Variants in SLC4A10 observed in about 807,000 individuals in gnomAD.
SLC4A10 encodes sodium-driven chloride bicarbonate exchanger.
In SLC4A10, 42 loss-of-function variants were observed where a neutral mutation model predicts 137.7. The ratio of observed to expected loss-of-function variants is 0.30; its 90% CI spans 0.24 to 0.39. The LOEUF (loss-of-function observed/expected upper bound fraction) is 0.39. Ranked by LOEUF, SLC4A10 falls within the 10% of genes least tolerant of loss-of-function variation. The pLI, the probability that SLC4A10 is intolerant of heterozygous loss-of-function variation, is 1.00. For missense variants in SLC4A10, 925 were observed against 1,355.0 expected (o/e 0.68, Z 4.98); for synonymous variants, 474 against 464.1 (o/e 1.02, Z -0.27).
intron 1 of SLC4A10, among the ~76,000 whole-genome samples, chr2:161,757,981 A>G (rs998818129): frequency 6.6e-6 from 1 of 151,996 alleles, no homozygotes; most frequent in African/African-American, 2.4e-5. Flanking sequence ...AATCCTACGT[A>G]TATTTTTACT....
intron 4 of SLC4A10, among the ~76,000 whole-genome samples, chr2:161,841,185 C>A (rs963115874): frequency 6.6e-6 from 1 of 152,114 alleles, no homozygotes; most frequent in South Asian, 2.1e-4. Context: ...TCAAGCCATT[C>A]TCCTGCCCCA....
chr2:161,884,865 T>C (rs1197219356), intron 10 of SLC4A10, among the ~76,000 whole-genome samples: 1 of 152,242 alleles, frequency 6.6e-6, no homozygotes, highest in African/African-American at 2.4e-5. Context: ...GCTTATCTAA[T>C]TGCTTTGAAG....
intron 8 of SLC4A10, among the ~76,000 whole-genome samples, chr2:161,877,443 G>C (rs554306107): frequency 9.9e-5 from 15 of 152,036 alleles, no homozygotes; most frequent in African/African-American, 3.6e-4. Flanking sequence ...TCCTCACAGA[G>C]CTGATAGTAT....
chr2:161,890,734 C>T (rs546925911), intron 10 of SLC4A10, among the ~76,000 whole-genome samples: 6 of 152,130 alleles, frequency 3.9e-5, no homozygotes, highest in Non-Finnish European at 5.9e-5. Context: ...TGGGTCTTGA[C>T]TCTTTATCCA....
chr2:161,703,236 CTG>C (rs2043305614), intron 1 of SLC4A10, among the ~76,000 whole-genome samples: 1 of 151,422 alleles, frequency 6.6e-6, no homozygotes, highest in South Asian at 2.1e-4. Context: ...GTTTATTACA[CTG>C]TTATTTATAA....
chr2:161,805,841 A>G (rs991403834), intron 3 of SLC4A10, among the ~76,000 whole-genome samples: 1 of 152,190 alleles, frequency 6.6e-6, no homozygotes, highest in African/African-American at 2.4e-5. Context: ...TTCTGCAGTC[A>G]GGAGGACAGT....
intron 1 of SLC4A10, among the ~76,000 whole-genome samples, chr2:161,640,600 CCTTCCT>C (rs2035144505): frequency 1.1e-5 from 1 of 94,930 alleles, no homozygotes; most frequent in Non-Finnish European, 2.1e-5. Context: ...TTCTTTCCTT[CCTTCCT>C]TCCTTCCTTC....
At chr2:161,863,880 T>C (rs141291745) in intron 6 of SLC4A10, among the ~76,000 whole-genome samples, 196 of 152,316 alleles carry the variant, frequency 1.3e-3, no homozygotes, top group African/African-American at 4.5e-3. Flanking sequence ...ATGATATGAA[T>C]TTGTTAAACT....
At chr2:161,857,817 TAAATAG>T (rs1002637338) in intron 5 of SLC4A10, among the ~76,000 whole-genome samples, 2 of 152,112 alleles carry the variant, frequency 1.3e-5, no homozygotes, top group African/African-American at 4.8e-5. Context: ...CATAAACAGA[TAAATAG>T]AAAGTTCTTT....
At chr2:161,833,798 T>G (rs1369104340) in intron 3 of SLC4A10, among the ~76,000 whole-genome samples, 1 of 152,202 alleles carries the variant, frequency 6.6e-6, no homozygotes, top group Non-Finnish European at 1.5e-5. Flanking sequence ...CTTCCACATT[T>G]CCTATCATCC....
intron 1 of SLC4A10, among the ~76,000 whole-genome samples, chr2:161,696,982 T>C (rs529665535): frequency 1.9e-4 from 29 of 152,332 alleles, no homozygotes; most frequent in South Asian, 6.2e-4. Context: ...TTCCTGACTT[T>C]TTAATGATCG....
At chr2:161,637,061 A>G (rs2034516114) in intron 1 of SLC4A10, among the ~76,000 whole-genome samples, 1 of 124,052 alleles carries the variant, frequency 8.1e-6, no homozygotes, top group African/African-American at 2.8e-5. Context: ...ATATATGTAT[A>G]TATCTATATA....
At chr2:161,791,429 A>C (rs1357561536) in intron 2 of SLC4A10, among the ~76,000 whole-genome samples, 2 of 152,136 alleles carry the variant, frequency 1.3e-5, no homozygotes, top group East Asian at 3.9e-4. Flanking sequence ...GAACACATGG[A>C]CACATGAGAG....
At chr2:161,654,798 A>G (rs2037285567) in intron 1 of SLC4A10, among the ~76,000 whole-genome samples, 1 of 152,086 alleles carries the variant, frequency 6.6e-6, no homozygotes, top group African/African-American at 2.4e-5. Context: ...ATATTTTGAA[A>G]TCAGGGAGTG....
At chr2:161,947,510 A>C in intron 16 of SLC4A10, 56 bp from the exon 17 acceptor site, 1 of 1,563,318 alleles carries the variant, frequency 6.4e-7, no homozygotes, top group South Asian at 1.2e-5. Flanking sequence ...AGTTTTCTGC[A>C]AGAAATGTGT....
intron 16 of SLC4A10, 95 bp from the exon 17 acceptor site, chr2:161,947,471 A>C (rs1417424175): frequency 7.9e-7 from 1 of 1,271,054 alleles, no homozygotes; most frequent in East Asian, 2.6e-5. Flanking sequence ...AAGCCTCAGC[A>C]TCTGAACTAC....
At chr2:161,915,649 CAG>C (rs898557778) in intron 15 of SLC4A10, among the ~76,000 whole-genome samples, 2 of 152,216 alleles carry the variant, frequency 1.3e-5, no homozygotes, top group Non-Finnish European at 2.9e-5. Context: ...AGAGCCTACA[CAG>C]AGTTTCCTCT....
At chr2:161,683,013 A>G (rs2041027809) in intron 1 of SLC4A10, among the ~76,000 whole-genome samples, 1 of 152,046 alleles carries the variant, frequency 6.6e-6, no homozygotes, top group African/African-American at 2.4e-5. Context: ...TAATATATAA[A>G]TAAGTTTACA....
chr2:161,941,193 A>G (rs1431357905), intron 15 of SLC4A10, among the ~76,000 whole-genome samples: 1 of 152,220 alleles, frequency 6.6e-6, no homozygotes, highest in African/African-American at 2.4e-5. Context: ...ACATTTCACC[A>G]GAGGCTCAAA....
Sources: allele counts gnomAD v4.1 joint callset (sites outside exome capture counted in the v4.1 genomes callset), GRCh38; gene constraint gnomAD v4.1.1; transcripts MANE v1.5; gene names NCBI Gene and HGNC (gene_info 2026-07-23, HGNC 2026-07-21).